Variants in SCN3A observed in about 807,000 individuals in gnomAD.
SCN3A encodes the protein sodium channel protein type 3 subunit alpha.
Under a neutral mutation model 187.6 loss-of-function variants are expected in SCN3A, and 60 were observed. The observed-to-expected ratio is 0.32, with a 90% confidence interval of 0.26 to 0.40. The LOEUF is 0.40. SCN3A is among the 10% of genes least tolerant of loss of function. The pLI is 1.00. For missense variants in SCN3A, 1,601 were observed against 2,428.2 expected, an observed-to-expected ratio of 0.66 and a Z score of 7.16; for synonymous variants, 788 against 829.2, an observed-to-expected ratio of 0.95 and a Z score of 0.85.
chr2:165,185,108 T>C (rs529625203), intron 2 of SCN3A, among the ~76,000 whole-genome samples: 1 of 152,138 alleles, frequency 6.6e-6, no homozygotes, highest in Non-Finnish European at 1.5e-5. Context: ...CATCTCTATC[T>C]TCAAGATAAT....
chr2:165,094,121 T>G, intron 26 of SCN3A: 1 of 483,652 alleles, frequency 2.1e-6, no homozygotes, highest in Non-Finnish European at 3.7e-6. Flanking sequence ...GAACCTTGCT[T>G]TGGAAGTATT....
chr2:165,194,685 A>T (rs1025149220), intron 1 of SCN3A, among the ~76,000 whole-genome samples: 1 of 152,108 alleles, frequency 6.6e-6, no homozygotes, highest in Admixed American at 6.6e-5. Context: ...TGAAATGGTA[A>T]TATAAAAAAT....
At chr2:165,130,470 A>C (rs1687246782) in intron 16 of SCN3A, 174 bp from the exon 17 acceptor site, 1 of 663,688 alleles carries the variant, frequency 1.5e-6, no homozygotes, top group African/African-American at 1.8e-5. Context: ...TAGAATTGTA[A>C]ATCTGGTCAT....
rs147316838 is a variant in SCN3A at position 165,115,492 on chromosome 2, G to C, written c.3477C>G (p.Pro1159=). The C allele has an allele frequency of 6.2e-6, 10 of 1,613,078 alleles. No homozygotes were observed. Among genetic ancestry groups the C allele is most frequent in the Non-Finnish European group, 8.5e-6 (10 of 1,179,772 alleles). Reference sequence around the variant, plus strand: ...AAGCTTCCGGTTTAAGGTCTTCTTCGGGTTCAGTTTCAGCTTGTTCACCTT... The same window carrying C: ...AAGCTTCCGGTTTAAGGTCTTCTTCCGGTTCAGTTTCAGCTTGTTCACCTT... The part of the protein sequence containing the change: ...PREGEQAETE[P]EEDLKPEACF... The change falls in exon 19 of 28, where the codon CCC becomes CCG. Residue 1159 remains proline, a synonymous_variant. Transcript: ENST00000283254.
In SCN3A at chr2:165,130,222, C is replaced by A. The variant is rs768224861; in HGVS notation, c.2640G>T (p.Gly880=). The change falls in exon 17 of 28, where the codon GGG becomes GGT. Residue 880 remains glycine, a synonymous_variant. Transcript: ENST00000283254. ...ACACCAAGGTGAGGTTTCCTAGAGC[C>A]CCCACAGAATTGCCAATGATCTTAA... ...MLIKIIGNSV[G]ALGNLTLVLA... 1.2e-6 allele frequency: 2 copies of A among 1,614,142 alleles called. No individual in the cohort carries two copies.
Position 165,146,887 on chromosome 2 carries a change from T to C in SCN3A, c.1523A>G (p.Gln508Arg), listed in dbSNP as rs143763998. Residue 508 changes from glutamine (Q) to arginine (R), a missense_variant, in exon 12 of 28, where the codon CAG becomes CGG. Gln to Arg is a conservative substitution (Grantham distance 43). This residue lies in a region of SCN3A where 376 missense variants were observed against 476.0 expected (regional missense o/e 0.79). Coordinates refer to ENST00000283254, the MANE Select transcript of SCN3A (RefSeq NM_006922.4). ...EWRNRRKKRR[Q>R]REHLEGNNKG... ...GTTGTTTCCTTCAAGGTGCTCTCTC[T>C]GTCTTCTTTTCTTCCTTCGGTTCCT... 2.7e-4 allele frequency: 435 copies of C among 1,614,020 alleles called. 1 individual carries two copies. Among genetic ancestry groups the C allele is most frequent in the Non-Finnish European group, 3.3e-4 (388 of 1,180,002 alleles).
intron 18 of SCN3A, among the ~76,000 whole-genome samples, chr2:165,119,250 T>C (rs768991353): frequency 1.6e-4 from 24 of 152,230 alleles, no homozygotes; most frequent in Non-Finnish European, 2.6e-4. Flanking sequence ...TATTTTTTAA[T>C]GCCCTAGGTC....
At chr2:165,162,024 A>T (rs1689428782) in intron 9 of SCN3A, among the ~76,000 whole-genome samples, 1 of 152,200 alleles carries the variant, frequency 6.6e-6, no homozygotes, top group African/African-American at 2.4e-5. Flanking sequence ...ATAGATGTAC[A>T]GCAAAGACAG....
rs1026675275 is a variant in SCN3A at position 165,139,761 on chromosome 2, T to G, written c.2020-153A>C. The G allele has an allele frequency of 2.4e-5, 20 of 845,624 alleles. No individual in the cohort carries two copies. In the Admixed American group the frequency reaches 2.4e-4, roughly 10 times the overall value. 52.4% of individuals were successfully genotyped at this position (845,624 alleles called of 1,614,324 possible). On this transcript the variant is annotated intron_variant, in intron 13 of 27. Transcript: ENST00000283254. ...TGAATTATTGCTAAGTTATAAACAG[T>G]TTTTTTTTTAAAAAAAAGTTATCAC...
At chr2:165,098,738 GCATAATA>G (rs1431216215) in intron 22 of SCN3A, among the ~76,000 whole-genome samples, 1 of 152,174 alleles carries the variant, frequency 6.6e-6, no homozygotes, top group African/African-American at 2.4e-5. Context: ...TCAAGTAAAT[GCATAATA>G]CATTATCATA....
intron 2 of SCN3A, among the ~76,000 whole-genome samples, chr2:165,182,984 A>G (rs545025419): frequency 4.6e-5 from 7 of 152,070 alleles, no homozygotes; most frequent in African/African-American, 1.4e-4. Context: ...CAAAAAAAAA[A>G]AAAAAGAAAG....
chr2:165,158,808 T>C (rs1221803361), intron 9 of SCN3A, among the ~76,000 whole-genome samples: 1 of 138,242 alleles, frequency 7.2e-6, no homozygotes, highest in Non-Finnish European at 1.5e-5. Context: ...TATACAACTA[T>C]TGAAGGACAT....
In SCN3A at chr2:165,139,550, A is replaced by G. The variant is rs1244798421; in HGVS notation, c.2078T>C (p.Met693Thr). Residue 693 changes from methionine (M) to threonine (T), a missense_variant, in exon 14 of 28, where the codon ATG (methionine) becomes ACG (threonine). By Grantham distance (81) the Met-to-Thr change is moderately conservative. Coordinates refer to ENST00000283254, the MANE Select transcript of SCN3A (RefSeq NM_006922.4). ...TCCAGAGGAATCCTCCAGCATCTCC[A>G]TTGAAATCTGGTAAGAGCTTAACCT... The part of the protein sequence containing the change: ...KRRLSSYQIS[M>T]EMLEDSSGRQ... The G allele has an allele frequency of 5.0e-6, 8 of 1,613,740 alleles. No homozygotes were observed. The highest frequency in any genetic ancestry group is 6.8e-6 in the Non-Finnish European group (8 of 1,179,856).
intron 17 of SCN3A, among the ~76,000 whole-genome samples, chr2:165,129,323 A>G (rs902321672): frequency 2.0e-5 from 3 of 152,264 alleles, no homozygotes; most frequent in African/African-American, 7.2e-5. Flanking sequence ...GACAATGTCC[A>G]TACATATGAA....
intron 21 of SCN3A, among the ~76,000 whole-genome samples, chr2:165,101,931 A>G (rs1685624781): frequency 6.6e-6 from 1 of 152,238 alleles, no homozygotes; most frequent in South Asian, 2.1e-4. Flanking sequence ...CTTGACTGCT[A>G]AACTTGATTA....
intron 11 of SCN3A, among the ~76,000 whole-genome samples, chr2:165,150,380 C>T (rs1688622648): frequency 6.6e-6 from 1 of 152,154 alleles, no homozygotes; most frequent in Non-Finnish European, 1.5e-5. Flanking sequence ...CTTATAGGTG[C>T]ACTAATTCTG....
chr2:165,115,997 G>A (rs1485308596), intron 18 of SCN3A, among the ~76,000 whole-genome samples: 3 of 152,084 alleles, frequency 2.0e-5, no homozygotes, highest in Non-Finnish European at 2.9e-5. Flanking sequence ...CACCTCTTCA[G>A]ATGGAAATTT....
At chr2:165,147,924 G>T (rs1688449766) in intron 11 of SCN3A, among the ~76,000 whole-genome samples, 1 of 152,136 alleles carries the variant, frequency 6.6e-6, no homozygotes, top group South Asian at 2.1e-4. Context: ...CATCAAAGCT[G>T]AGTTCTCATT....
intron 18 of SCN3A, among the ~76,000 whole-genome samples, chr2:165,120,698 A>G (rs1201105869): frequency 6.6e-6 from 1 of 151,960 alleles, no homozygotes; most frequent in Non-Finnish European, 1.5e-5. Context: ...GATATGCATA[A>G]CCATATCTTG....
Sources: gnomAD v4.1 joint callset for allele counts (sites outside exome capture counted in the v4.1 genomes callset) on GRCh38, gnomAD v4.1.1 for gene constraint, gnomAD v4.1.1 regional missense constraint, MANE v1.5 for transcripts, NCBI Gene and HGNC (gene_info 2026-07-23, HGNC 2026-07-21) for gene names.